The following CRAMP1 variants were observed in gnomAD, a reference collection of about 807,000 sequenced individuals.
CRAMP1 encodes the protein cramped chromatin regulator 1, also known as protein cramped-like.
Under a neutral mutation model 115.4 loss-of-function variants are expected in CRAMP1, and 50 were observed. The observed-to-expected ratio is 0.43, with a 90% CI of 0.35 to 0.55. The LOEUF is 0.55. CRAMP1 is among the 20% of genes least tolerant of loss of function. The probability of loss-of-function intolerance (pLI) is 0.01; values close to 1 mark genes in which losing one functional copy is unlikely to be tolerated. For missense variants in CRAMP1, 1,679 were observed against 1,721.7 expected (o/e 0.98, Z 0.44); for synonymous variants, 866 against 745.4 (o/e 1.16, Z -2.64).
intron 2 of CRAMP1, among the ~76,000 whole-genome samples, chr16:1,615,735 T>C (rs559997792): frequency 3.9e-5 from 6 of 152,362 alleles, no homozygotes; most frequent in Non-Finnish European, 5.9e-5. Context: ...TCTGCTCTTA[T>C]TTCTATTTCA....
At chr16:1,668,485 T>A (rs2036894981) in intron 18 of CRAMP1, among the ~76,000 whole-genome samples, 1 of 152,138 alleles carries the variant, frequency 6.6e-6, no homozygotes, top group Non-Finnish European at 1.5e-5. Context: ...TCCTAGTTGA[T>A]CTTGAACCTG....
At position 1,672,843 on chromosome 16, in the gene CRAMP1, C is replaced by T. The variant is rs953450923; in HGVS notation, c.3646-1038C>T. Among the ~76,000 whole-genome samples the T allele has an allele frequency of 6.6e-6, 1 of 152,376 alleles. No homozygotes were observed. The highest frequency in any genetic ancestry group is 2.4e-5 in the African/African-American group (1 of 41,578). The stretch of plus-strand genomic sequence containing the variant: ...CCGAGGCCCTCCCGTCCTCCGTCTC[C>T]TCAGCTCTGTGCTGCCTCACTCACT... On this transcript the variant is annotated intron_variant, in intron 20 of 20. Coordinates refer to ENST00000397412, the MANE Select transcript of CRAMP1 (RefSeq NM_020825.4). The surrounding 1 kb of genome is among the most constrained non-coding windows in gnomAD (Gnocchi z 4.9).
chr16:1,621,231 G>A (rs2036463185), intron 2 of CRAMP1, among the ~76,000 whole-genome samples: 1 of 152,210 alleles, frequency 6.6e-6, no homozygotes, highest in South Asian at 2.1e-4. Flanking sequence ...CAGGACATGT[G>A]ATGGGGAAGA....
chr16:1,670,113 A>T (rs887059812), intron 19 of CRAMP1, among the ~76,000 whole-genome samples: 1 of 151,664 alleles, frequency 6.6e-6, no homozygotes, highest in Non-Finnish European at 1.5e-5. Context: ...GAAAATTTTA[A>T]AACTAGCCAG....
intron 5 of CRAMP1, among the ~76,000 whole-genome samples, chr16:1,639,796 C>T (rs2036617093): frequency 6.6e-6 from 1 of 152,174 alleles, no homozygotes; most frequent in African/African-American, 2.4e-5. Context: ...CGTGTCTGGT[C>T]CGTTTGTTAC....
chr16:1,660,902 C>T (rs571871907), intron 11 of CRAMP1, among the ~76,000 whole-genome samples: 5 of 152,154 alleles, frequency 3.3e-5, no homozygotes, highest in South Asian at 4.2e-4. Context: ...CCAGCTACTC[C>T]GAAGGCTGAG....
At chr16:1,650,197 C>T (rs971627746) in intron 6 of CRAMP1, among the ~76,000 whole-genome samples, 4 of 152,150 alleles carry the variant, frequency 2.6e-5, no homozygotes, top group East Asian at 1.9e-4. Context: ...AGCTAGGACC[C>T]TTTTAAAAGG....
At position 1,653,101 on chromosome 16, in the gene CRAMP1, C is replaced by T. The variant is rs748398208; in HGVS notation, c.982C>T (p.Arg328Trp). ...GAAAGTCCCTATAGAGCTACAGCCG[C>T]GGAACAACCACGCCTGGGCCCGTGT... The part of the protein sequence containing the change: ...PLKVPIELQP[R>W]NNHAWARVQS... The change falls in exon 8 of 21, where the codon CGG (arginine) becomes TGG (tryptophan). Residue 328 changes from arginine (R) to tryptophan (W), a missense_variant. Around this residue, in one of 8 missense-constraint regions of CRAMP1, gnomAD observed 191 missense variants for 236.2 expected, o/e 0.81. Coordinates refer to ENST00000397412, the MANE Select transcript of CRAMP1 (RefSeq NM_020825.4). The T allele has an allele frequency of 2.5e-6, 4 of 1,612,538 alleles. No homozygotes were observed. Among genetic ancestry groups the T allele is most frequent in the Admixed American group, 1.7e-5 (1 of 59,816 alleles).
At chr16:1,620,445 C>T (rs1047164726) in intron 2 of CRAMP1, among the ~76,000 whole-genome samples, 2 of 152,286 alleles carry the variant, frequency 1.3e-5, no homozygotes, top group African/African-American at 2.4e-5. Flanking sequence ...GGTGTGTTCA[C>T]TGCAGTCCTC....
chr16:1,667,344 C>A lies in CRAMP1; in HGVS notation c.3046C>A (p.Pro1016Thr). ...CGTGCTCTTCCTGCAGGGCTCCGAC[C>A]CATTTGTCAGCATCCCTTCGAGGCC... Reference protein sequence around the residue: ...DTLPTVGGSDPFVSIPSRPEQ... With the variant: ...DTLPTVGGSDTFVSIPSRPEQ... Residue 1016 changes from proline (P) to threonine (T), a missense_variant, in exon 17 of 21, where the codon CCA (proline) becomes ACA (threonine). This residue lies in a region of CRAMP1 where 709 missense variants were observed against 741.9 expected (regional missense o/e 0.96). Coordinates refer to ENST00000397412, the MANE Select transcript of CRAMP1 (RefSeq NM_020825.4). The A allele has an allele frequency of 6.2e-7, 1 of 1,613,230 alleles. No individual in the cohort carries two copies. The highest frequency in any genetic ancestry group is 8.5e-7 in the Non-Finnish European group (1 of 1,179,800).
chr16:1,613,168 A>G (rs1433927280), intron 1 of CRAMP1, among the ~76,000 whole-genome samples: 1 of 151,728 alleles, frequency 6.6e-6, no homozygotes. Flanking sequence ...GTTGAGGGGG[A>G]AGAGTGGGAA....
In CRAMP1 at chr16:1,614,935, C is replaced by G. The variant is rs1441332624; in HGVS notation, c.296C>G (p.Pro99Arg). ...PQSKRPRKDP[P>R]SAVGSGNAGG... ...AGCAAGAGGCCCAGGAAGGATCCTC[C>G]GAGCGCTGTGGGGAGCGGCAACGCC... Residue 99 changes from proline to arginine, a missense_variant, in exon 2 of 21, where the codon CCG becomes CGG. Pro to Arg is a moderately radical substitution (Grantham distance 103, BLOSUM62 -2). Transcript: ENST00000397412. The surrounding 1 kb of genome is among the most constrained non-coding windows in gnomAD (Gnocchi z 4.4). 1.6e-6 allele frequency: 2 copies of G among 1,277,466 alleles called. No homozygotes were observed. Among genetic ancestry groups the G allele is most frequent in the African/African-American group, 3.1e-5 (2 of 64,906 alleles). The allele number at this position is 1,277,466 out of a possible 1,614,324, so 79.1% of individuals were successfully genotyped here.
At chr16:1,638,103 C>G (rs899453288) in intron 5 of CRAMP1, among the ~76,000 whole-genome samples, 196 bp downstream of exon 5, 1 of 152,210 alleles carries the variant, frequency 6.6e-6, no homozygotes, top group East Asian at 1.9e-4. Context: ...TACATTTGCT[C>G]TCTTTCTCCA....
chr16:1,647,594 G>A (rs1231278444), intron 6 of CRAMP1, among the ~76,000 whole-genome samples: 2 of 151,854 alleles, frequency 1.3e-5, no homozygotes, highest in African/African-American at 4.8e-5. Flanking sequence ...TACAAAATTA[G>A]CCGGGTGTAT....
At chr16:1,636,240 G>C (rs930489812) in intron 4 of CRAMP1, among the ~76,000 whole-genome samples, 1 of 152,074 alleles carries the variant, frequency 6.6e-6, no homozygotes, top group Non-Finnish European at 1.5e-5. Flanking sequence ...GCGTGGTGGC[G>C]CATGCCTGTA....
chr16:1,665,790 T>A, intron 14 of CRAMP1: 1 of 440,816 alleles, frequency 2.3e-6, no homozygotes. Flanking sequence ...GCTTGGGGGC[T>A]TGTCACCCTT....
chr16:1,634,559 T>C (rs1012920000), intron 4 of CRAMP1, among the ~76,000 whole-genome samples: 1 of 152,116 alleles, frequency 6.6e-6, no homozygotes, highest in Non-Finnish European at 1.5e-5. Context: ...CTTCCCTCTC[T>C]TCCTGACCTG....
rs1049843132 is a variant in CRAMP1, at chr16:1,614,820, G to T, written c.181G>T (p.Ala61Ser). 4 of 1,265,980 alleles carry T rather than the reference G, an allele frequency of 3.2e-6. No homozygotes were observed. The highest frequency in any genetic ancestry group is 4.0e-6 in the Non-Finnish European group (4 of 1,009,922). 78.4% of individuals were successfully genotyped at this position (1,265,980 alleles called of 1,614,324 possible). Residue 61 changes from alanine to serine, a missense_variant, in exon 2 of 21, where the codon GCG becomes TCG. By Grantham distance (99) the Ala-to-Ser change is moderately conservative. This residue lies in a region of CRAMP1 where 264 missense variants were observed against 229.7 expected (regional missense o/e 1.15). Coordinates refer to ENST00000397412, the MANE Select transcript of CRAMP1 (RefSeq NM_020825.4). This position sits in a 1 kb window ranked among gnomAD's most constrained non-coding sequence, Gnocchi z 4.4. Reference protein sequence around the residue: ...TPRAGADGPPAPPGAPQAPSP... With the variant: ...TPRAGADGPPSPPGAPQAPSP... ...CCGGGCCGGCGCCGACGGCCCCCCC[G>T]CGCCCCCCGGCGCGCCGCAGGCGCC...
intron 3 of CRAMP1, 110 bp downstream of exon 3, chr16:1,626,276 T>G: frequency 9.2e-7 from 1 of 1,090,144 alleles, no homozygotes; most frequent in Non-Finnish European, 1.3e-6. Flanking sequence ...CGCAGATTCC[T>G]GGGCGACCCC....
Sources: allele counts gnomAD v4.1 joint callset (sites outside exome capture counted in the v4.1 genomes callset), GRCh38; gene constraint gnomAD v4.1.1; regional missense constraint gnomAD v4.1.1; non-coding constraint Gnocchi (gnomAD v3.1); transcripts MANE v1.5; gene names NCBI Gene and HGNC (gene_info 2026-07-23, HGNC 2026-07-21).